GALNT7: variants seen among roughly 807,000 people sequenced by gnomAD.
The protein encoded by GALNT7 is polypeptide N-acetylgalactosaminyltransferase 7, also known as N-acetylgalactosaminyltransferase 7.
Under a neutral mutation model 82.1 loss-of-function variants are expected in GALNT7, and 60 were observed. The observed-to-expected ratio is 0.73, with a 90% CI of 0.59 to 0.91. The LOEUF (loss-of-function observed/expected upper bound fraction) is 0.91. Ranked by LOEUF, GALNT7 falls within the 40% of genes least tolerant of loss-of-function variation. The pLI is 0.00. For synonymous variants in GALNT7, 243 were observed against 275.1 expected (o/e 0.88, Z 1.15); for missense variants, 660 against 804.2 (o/e 0.82, Z 2.17).
intron 1 of GALNT7, among the ~76,000 whole-genome samples, chr4:173,214,706 G>A (rs1417914167): frequency 6.6e-6 from 1 of 152,070 alleles, no homozygotes; most frequent in African/African-American, 2.4e-5. Flanking sequence ...TCAAATTTCT[G>A]GCACTTGGCA....
At chr4:173,242,653 A>G (rs1734475729) in intron 1 of GALNT7, among the ~76,000 whole-genome samples, 1 of 152,224 alleles carries the variant, frequency 6.6e-6, no homozygotes, top group Non-Finnish European at 1.5e-5. Context: ...TCAGCCGGAA[A>G]TGTCTAGTCC....
At chr4:173,231,343 G>A (rs756872819) in intron 1 of GALNT7, among the ~76,000 whole-genome samples, 1 of 152,184 alleles carries the variant, frequency 6.6e-6, no homozygotes, top group African/African-American at 2.4e-5. Flanking sequence ...TATATTAATC[G>A]CATGTTTTAA....
At chr4:173,243,220 A>G (rs1734493477) in intron 1 of GALNT7, among the ~76,000 whole-genome samples, 1 of 152,226 alleles carries the variant, frequency 6.6e-6, no homozygotes, top group African/African-American at 2.4e-5. Flanking sequence ...AGGCATGGCC[A>G]TCTTGGAAAA....
chr4:173,190,589 A>G (rs972350866), intron 1 of GALNT7, among the ~76,000 whole-genome samples: 3 of 151,920 alleles, frequency 2.0e-5, no homozygotes, highest in Admixed American at 6.6e-5. Flanking sequence ...GTTACTTTTT[A>G]TATTACTTGG....
intron 1 of GALNT7, among the ~76,000 whole-genome samples, chr4:173,194,708 T>A (rs1031516034): frequency 5.3e-5 from 8 of 152,206 alleles, no homozygotes; most frequent in Non-Finnish European, 1.0e-4. Context: ...GTTACATATG[T>A]ATGCATGTGC....
intron 1 of GALNT7, among the ~76,000 whole-genome samples, chr4:173,195,734 A>G (rs1285256329): frequency 6.6e-6 from 1 of 152,204 alleles, no homozygotes; most frequent in Non-Finnish European, 1.5e-5. Context: ...TAAGATGATG[A>G]CTTCCATGAG....
chr4:173,180,680 A>G (rs1340442697), intron 1 of GALNT7, among the ~76,000 whole-genome samples: 1 of 152,214 alleles, frequency 6.6e-6, no homozygotes, highest in Admixed American at 6.5e-5. Flanking sequence ...TATACTTTGC[A>G]TAGCCATTTC....
chr4:173,217,871 A>G lies in GALNT7; in HGVS notation c.127-30109A>G, dbSNP rs76454468. ...ATAAACTTGCATTGCAACCTTGCTT[A>G]TAGAAGATTGTGCCTATTGTAAGAT... On this transcript the variant is annotated intron_variant, in intron 1 of 11. Coordinates refer to ENST00000265000, the MANE Select transcript of GALNT7 (RefSeq NM_017423.3). Among the ~76,000 whole-genome samples, 701 of 152,318 alleles carry G rather than the reference A, an allele frequency of 4.6e-3. 6 individuals are homozygous for G. The highest frequency in any genetic ancestry group is 0.016 in the African/African-American group (648 of 41,568).
chr4:173,297,409 C>T (rs1003999388), intron 5 of GALNT7, among the ~76,000 whole-genome samples: 3 of 152,222 alleles, frequency 2.0e-5, no homozygotes, highest in East Asian at 1.9e-4. Flanking sequence ...CCCACACACA[C>T]GCACACGCAT....
At chr4:173,169,966 C>T (rs894938960) in intron 1 of GALNT7, among the ~76,000 whole-genome samples, 1 of 152,076 alleles carries the variant, frequency 6.6e-6, no homozygotes, top group African/African-American at 2.4e-5. Context: ...GCCCAGGGCG[C>T]GAGTGTTAGC....
intron 1 of GALNT7, among the ~76,000 whole-genome samples, chr4:173,230,792 G>A (rs188948748): frequency 1.5e-4 from 23 of 152,120 alleles, no homozygotes; most frequent in Admixed American, 1.4e-3. Context: ...ATGGAACTCT[G>A]GTCTTATATA....
chr4:173,243,864 T>C (rs1025855291), intron 1 of GALNT7, among the ~76,000 whole-genome samples: 3 of 152,242 alleles, frequency 2.0e-5, no homozygotes, highest in African/African-American at 7.2e-5. Context: ...TCCCATTTTG[T>C]ATTTTCCATT....
At chr4:173,200,692 G>A (rs1204769701) in intron 1 of GALNT7, among the ~76,000 whole-genome samples, 1 of 152,190 alleles carries the variant, frequency 6.6e-6, no homozygotes, top group Non-Finnish European at 1.5e-5. Flanking sequence ...AGGTGAATGT[G>A]TCATCATAAA....
At chr4:173,207,004 A>G (rs917933765) in intron 1 of GALNT7, among the ~76,000 whole-genome samples, 1 of 152,204 alleles carries the variant, frequency 6.6e-6, no homozygotes, top group Non-Finnish European at 1.5e-5. Flanking sequence ...TCCCATTGAT[A>G]GCTCCTGTCT....
rs763458221 is a variant in GALNT7, at chr4:173,248,173, T to C, written c.320T>C (p.Ile107Thr). 1.5e-5 allele frequency: 25 copies of C among 1,613,708 alleles called. No homozygotes were observed. Among genetic ancestry groups the C allele is most frequent in the Non-Finnish European group, 1.9e-5 (23 of 1,179,834 alleles). The change falls in exon 2 of 12, where the codon ATC becomes ACC. Residue 107 changes from isoleucine to threonine, a missense_variant. Ile to Thr is a moderately conservative substitution (Grantham distance 89). This residue lies in a region of GALNT7 where 527 missense variants were observed against 683.5 expected (regional missense o/e 0.77). Coordinates refer to ENST00000265000, the MANE Select transcript of GALNT7 (RefSeq NM_017423.3). ...GCTGGAGGAGATTCCCAGAAAGATA[T>C]CATGCAGAGGCAGTATCTCACATTT... ...HHAGGDSQKD[I>T]MQRQYLTFKP...
chr4:173,291,792 A>G (rs1189623924), intron 2 of GALNT7, among the ~76,000 whole-genome samples: 2 of 148,942 alleles, frequency 1.3e-5, no homozygotes, highest in African/African-American at 2.5e-5. Context: ...GGTCCAGGTC[A>G]TGAAAAAAAA....
chr4:173,274,846 T>C (rs1189781720), intron 2 of GALNT7, among the ~76,000 whole-genome samples: 1 of 152,216 alleles, frequency 6.6e-6, no homozygotes, highest in Non-Finnish European at 1.5e-5. Flanking sequence ...CAGCCGGGGA[T>C]GTTGAACATA....
intron 2 of GALNT7, among the ~76,000 whole-genome samples, chr4:173,287,243 G>A (rs887434284): frequency 1.3e-5 from 2 of 152,250 alleles, no homozygotes; most frequent in Admixed American, 6.5e-5. Context: ...ACATTTGAAA[G>A]AGTTTCCTTC....
intron 1 of GALNT7, among the ~76,000 whole-genome samples, chr4:173,220,660 C>A (rs1266822926): frequency 8.8e-6 from 1 of 114,010 alleles, no homozygotes; most frequent in African/African-American, 3.3e-5. Flanking sequence ...CCTCCCCCCA[C>A]CCCACAACAG....
Sources: gnomAD v4.1 joint callset for allele counts (sites outside exome capture counted in the v4.1 genomes callset) on GRCh38, gnomAD v4.1.1 for gene constraint, gnomAD v4.1.1 regional missense constraint, MANE v1.5 for transcripts, NCBI Gene and HGNC (gene_info 2026-07-23, HGNC 2026-07-21) for gene names.